The following DLC1 variants were observed in gnomAD, a reference collection of about 807,000 sequenced individuals.
DLC1 encodes DLC1 Rho GTPase activating protein.
A neutral mutation model predicts 140.3 loss-of-function variants in DLC1; 54 were observed. That is an observed-to-expected ratio of 0.38 (90% confidence interval 0.31 to 0.48). DLC1 has a LOEUF of 0.48. Among genes scored for constraint, DLC1 ranks in the 20% least tolerant of loss-of-function variants. The pLI is 0.96. For missense variants in DLC1, 2,536 were observed against 1,907.0 expected, an observed-to-expected ratio of 1.33 and a Z score of -6.14; for synonymous variants, 986 against 728.1, an observed-to-expected ratio of 1.35 and a Z score of -5.70.
chr8:13,385,569 A>T (rs13257361), intron 4 of DLC1, among the ~76,000 whole-genome samples: 1 of 152,226 alleles, frequency 6.6e-6, no homozygotes, highest in Non-Finnish European at 1.5e-5. Flanking sequence ...TTAGGACTTT[A>T]TGAGGATACA....
intron 5 of DLC1, among the ~76,000 whole-genome samples, chr8:13,275,153 A>G (rs1470503557): frequency 6.6e-6 from 1 of 152,214 alleles, no homozygotes. Flanking sequence ...TTAGTGCAAC[A>G]GACAGAAAGA....
intron 5 of DLC1, chr8:13,214,866 T>C (rs982462599): frequency 1.4e-6 from 1 of 718,872 alleles, no homozygotes; most frequent in Non-Finnish European, 2.6e-6. Context: ...ATGGGTCTCA[T>C]GACAGGGCTT....
At chr8:13,602,293 C>T (rs985474611) in intron 1 of DLC1, among the ~76,000 whole-genome samples, 3 of 151,798 alleles carry the variant, frequency 2.0e-5, no homozygotes, top group Non-Finnish European at 4.4e-5. Context: ...AATCAATCAA[C>T]TGCCATGTGT....
chr8:13,390,411 A>C (rs1836698840), intron 4 of DLC1, among the ~76,000 whole-genome samples: 1 of 152,194 alleles, frequency 6.6e-6, no homozygotes, highest in South Asian at 2.1e-4. Context: ...TACTGTAAAC[A>C]GTGCTTTAAG....
At position 13,380,247 on chromosome 8, in the gene DLC1, A is replaced by G. The variant is rs1483890645; in HGVS notation, c.1314+13306T>C. Reference sequence around the variant, plus strand: ...TCTAGGCAAACTGATAAACACTTATATGTTATTCTCCCCGGAAAACTACTT... The same window carrying G: ...TCTAGGCAAACTGATAAACACTTATGTGTTATTCTCCCCGGAAAACTACTT... On this transcript the variant is annotated intron_variant, in intron 4 of 17. Coordinates refer to ENST00000276297, the MANE Select transcript of DLC1 (RefSeq NM_182643.3). Among the ~76,000 whole-genome samples the G allele has an allele frequency of 1.3e-5, 2 of 152,218 alleles. 1 individual carries two copies. The highest frequency in any genetic ancestry group is 3.9e-4 in the East Asian group (2 of 5,192).
intron 5 of DLC1, among the ~76,000 whole-genome samples, chr8:13,187,660 G>A (rs576203246): frequency 6.6e-6 from 1 of 152,312 alleles, no homozygotes; most frequent in Non-Finnish European, 1.5e-5. Context: ...TATGTGGGAA[G>A]CAATCTATGC....
chr8:13,503,025 A>AT (rs1801889177), intron 1 of DLC1, among the ~76,000 whole-genome samples: 2 of 152,210 alleles, frequency 1.3e-5, no homozygotes, highest in Non-Finnish European at 2.9e-5. Context: ...TTCGTGCATG[A>AT]TTTTGAATTC....
At chr8:13,091,208 T>G in intron 14 of DLC1, 110 bp downstream of exon 14, 1 of 913,936 alleles carries the variant, frequency 1.1e-6, no homozygotes, top group Non-Finnish European at 1.7e-6. Context: ...TTATACCGTC[T>G]CCAGCTGTGG....
At chr8:13,181,365 C>A (rs1468581488) in intron 5 of DLC1, among the ~76,000 whole-genome samples, 3 of 128,374 alleles carry the variant, frequency 2.3e-5, no homozygotes, top group African/African-American at 8.8e-5. Flanking sequence ...ACTTTAAGTT[C>A]TAGGGTATAT....
chr8:13,172,331 A>G (rs754649479), intron 5 of DLC1, among the ~76,000 whole-genome samples: 1 of 152,212 alleles, frequency 6.6e-6, no homozygotes, highest in Non-Finnish European at 1.5e-5. Flanking sequence ...ACTTCCAAAA[A>G]AGAAAAACCA....
chr8:13,423,238 AT>A (rs1246713491), intron 2 of DLC1, among the ~76,000 whole-genome samples: 5 of 152,186 alleles, frequency 3.3e-5, no homozygotes, highest in Non-Finnish European at 1.5e-5. Context: ...TTAGAAGGAA[AT>A]AAATGCATTT....
intron 5 of DLC1, among the ~76,000 whole-genome samples, chr8:13,142,166 C>T (rs1823050086): frequency 6.6e-6 from 1 of 152,200 alleles, no homozygotes; most frequent in Admixed American, 6.5e-5. Flanking sequence ...TGTAAGTTTC[C>T]TGAGCCTTCC....
intron 4 of DLC1, among the ~76,000 whole-genome samples, chr8:13,312,706 TTATA>T (rs770869881): frequency 6.6e-6 from 1 of 152,142 alleles, no homozygotes; most frequent in Non-Finnish European, 1.5e-5. Context: ...TGTGTCTATA[TTATA>T]TATATCTCCT....
chr8:13,372,269 C>T (rs181857720), intron 4 of DLC1, among the ~76,000 whole-genome samples: 42 of 152,188 alleles, frequency 2.8e-4, no homozygotes, highest in African/African-American at 6.5e-4. Context: ...CAGAAAATCA[C>T]GAGCCAAAGG....
At chr8:13,135,268 G>C (rs1440184273) in intron 5 of DLC1, among the ~76,000 whole-genome samples, 1 of 147,024 alleles carries the variant, frequency 6.8e-6, no homozygotes, top group African/African-American at 2.5e-5. Flanking sequence ...GCAGTGACAC[G>C]ATCTCGGGTT....
intron 5 of DLC1, among the ~76,000 whole-genome samples, chr8:13,183,788 G>T (rs558609783): frequency 3.9e-5 from 6 of 152,076 alleles, no homozygotes; most frequent in Admixed American, 2.6e-4. Flanking sequence ...TTTTTTTGTT[G>T]TGTCTCTGCC....
chr8:13,142,920 A>G (rs1227152336), intron 5 of DLC1, among the ~76,000 whole-genome samples: 8 of 152,044 alleles, frequency 5.3e-5, no homozygotes, highest in African/African-American at 1.9e-4. Flanking sequence ...GTGGTGGCAC[A>G]TTCCTGTAAT....
chr8:13,188,844 T>TATATATATGTATA (rs1491498157), intron 5 of DLC1, among the ~76,000 whole-genome samples: 6 of 25,810 alleles, frequency 2.3e-4, no homozygotes, highest in Admixed American at 1.1e-3. Flanking sequence ...TATATATATA[T>TATATATATGTATA]TTTTTTTTTT....
At chr8:13,336,048 C>G (rs181336105) in intron 4 of DLC1, among the ~76,000 whole-genome samples, 2 of 151,986 alleles carry the variant, frequency 1.3e-5, no homozygotes, top group African/African-American at 4.8e-5. Context: ...ATTTGATATT[C>G]AGAATCTTTA....
Sources: gnomAD v4.1 joint callset for allele counts (sites outside exome capture counted in the v4.1 genomes callset) on GRCh38, gnomAD v4.1.1 for gene constraint, MANE v1.5 for transcripts, NCBI Gene and HGNC (gene_info 2026-07-23, HGNC 2026-07-21) for gene names.